MPHOSPH9: variants seen among roughly 807,000 people sequenced by gnomAD.
MPHOSPH9 encodes M-phase phosphoprotein 9.
A neutral mutation model predicts 145.5 loss-of-function variants in MPHOSPH9; 88 were observed. The ratio of observed to expected loss-of-function variants is 0.60; its 90% CI spans 0.51 to 0.72. MPHOSPH9 has a LOEUF of 0.72. MPHOSPH9 is among the 30% of genes least tolerant of loss of function. The pLI is 0.00. For missense variants in MPHOSPH9, 1,238 were observed against 1,386.6 expected (o/e 0.89, Z 1.70); for synonymous variants, 435 against 486.2 (o/e 0.89, Z 1.39).
chr12:123,191,287 C>T (rs754639140), intron 13 of MPHOSPH9, among the ~76,000 whole-genome samples: 1 of 152,044 alleles, frequency 6.6e-6, no homozygotes, highest in Admixed American at 6.6e-5. Flanking sequence ...CACCATTGCA[C>T]TCCAGCCTGG....
Position 123,166,707 on chromosome 12 carries a change from C to T in MPHOSPH9, c.2539G>A (p.Asp847Asn). 6.2e-7 allele frequency: 1 copy of T among 1,614,056 alleles called. No homozygotes were observed. Among genetic ancestry groups the T allele is most frequent in the South Asian group, 1.1e-5 (1 of 91,052 alleles). Residue 847 changes from aspartate to asparagine, a missense_variant, in exon 17 of 24, where the codon GAC becomes AAC. Transcript: ENST00000606320. ...EYSIFTGQPLDTQDSNVDNQL... is the reference protein window; with the variant it reads ...EYSIFTGQPLNTQDSNVDNQL... ...TTATCCACGTTACTGTCCTGGGTGT[C>T]CAGAGGCTGGCCAGTAAAGATGGAA...
intron 13 of MPHOSPH9, among the ~76,000 whole-genome samples, chr12:123,189,059 T>A (rs1565927106): frequency 6.6e-6 from 1 of 152,068 alleles, no homozygotes; most frequent in Non-Finnish European, 1.5e-5. Flanking sequence ...GTGGTACAAG[T>A]GATGCTGTAC....
chr12:123,161,711 T>C (rs548389694), intron 21 of MPHOSPH9, among the ~76,000 whole-genome samples: 38 of 151,300 alleles, frequency 2.5e-4, no homozygotes, highest in African/African-American at 8.2e-4. Flanking sequence ...TCACATTTAG[T>C]GGACATACAC....
rs377051914 is a variant in MPHOSPH9, at chr12:123,221,768, C to T, written c.476G>A (p.Ser159Asn). 6.2e-7 allele frequency: 1 copy of T among 1,613,672 alleles called. No individual in the cohort carries two copies. The highest frequency in any genetic ancestry group is 1.3e-5 in the African/African-American group (1 of 74,862). The change falls in exon 5 of 24, where the codon AGC (serine) becomes AAC (asparagine). Residue 159 changes from serine to asparagine, a missense_variant. Transcript: ENST00000606320. ...GATAACAGATTCATTTCTCTCACTG[C>T]TTAGAGAAAAAAAACCCATTTGACT... ...SESQMGFFSL[S>N]SERNESVIHY...
At chr12:123,233,298 T>G (rs1309231990), upstream of MPHOSPH9, 1 of 152,294 alleles carries the variant, frequency 6.6e-6, no homozygotes. Flanking sequence ...GGGGCGGGAT[T>G]GCTGTGAAAC....
At position 123,179,925 on chromosome 12, in the gene MPHOSPH9, C is replaced by A. The variant is rs369262617; in HGVS notation, c.2354+1G>T. On this transcript the variant is annotated splice_donor_variant, in intron 15 of 23. Coordinates refer to ENST00000606320, the MANE Select transcript of MPHOSPH9 (RefSeq NM_022782.4). LOFTEE classifies it high-confidence loss of function. ...TACATTAGTAAGTTAATACATTTTA[C>A]CTTTTCAAATCAGAAATCTGAGTAT... 1.4e-6 allele frequency: 2 copies of A among 1,403,208 alleles called. No homozygotes were observed. Among genetic ancestry groups the A allele is most frequent in the Non-Finnish European group, 1.9e-6 (2 of 1,029,438 alleles). The allele number at this position is 1,403,208 out of a possible 1,614,324, so 86.9% of individuals were successfully genotyped here. A position where few individuals can be genotyped will look rare whatever the true frequency, so the allele number is the denominator to read the frequency against.
At position 123,216,141 on chromosome 12, in the gene MPHOSPH9, T is replaced by TA. The variant is rs542635596; in HGVS notation, c.997-1308dup. 2.2e-4 allele frequency among the ~76,000 whole-genome samples: 33 copies of TA among 152,212 alleles called. 1 individual carries two copies. The South Asian group carries it at 6.8e-3, about 32-fold the overall frequency. On this transcript the variant is annotated intron_variant, in intron 6 of 23. Coordinates refer to ENST00000606320, the MANE Select transcript of MPHOSPH9 (RefSeq NM_022782.4). ...TGAATGGCTTTTCTAGAGCTACCAA[T>TA]ATAGTACTAAACGGCTTTTCTAGAA...
intron 12 of MPHOSPH9, among the ~76,000 whole-genome samples, chr12:123,197,790 G>GA (rs374288592): frequency 0.012 from 996 of 80,066 alleles, 4 homozygotes; most frequent in South Asian, 0.07. Context: ...TCAAAAAAAA[G>GA]AAAAAAAAAA....
chr12:123,186,520 T>C (rs1006196531), intron 13 of MPHOSPH9, among the ~76,000 whole-genome samples: 1 of 152,120 alleles, frequency 6.6e-6, no homozygotes, highest in Non-Finnish European at 1.5e-5. Context: ...AGGAAAAGAA[T>C]TGATCATGTC....
intron 13 of MPHOSPH9, among the ~76,000 whole-genome samples, chr12:123,184,793 C>T (rs12302120): frequency 0.014 from 2,054 of 151,802 alleles, 37 homozygotes; most frequent in South Asian, 0.057. Flanking sequence ...CCACCGTGCC[C>T]GGCCTATTTA....
In MPHOSPH9 at chr12:123,199,478, A is replaced by G. The variant is rs112354496; in HGVS notation, c.1938-1144T>C. The stretch of plus-strand genomic sequence containing the variant: ...TTCGTTTATCCTCACAATTCTGTCC[A>G]TTAAGACTATCATTGGTCCCAGCCA... On this transcript the variant is annotated intron_variant, in intron 11 of 23. Transcript: ENST00000606320. 5.8e-3 allele frequency among the ~76,000 whole-genome samples: 883 copies of G among 152,190 alleles called. 6 individuals carry two copies. The highest frequency in any genetic ancestry group is 0.044 in the South Asian group (213 of 4,820).
chr12:123,221,278 G>A (rs1371913851), intron 5 of MPHOSPH9, 94 bp downstream of exon 5: 2 of 1,027,912 alleles, frequency 1.9e-6, no homozygotes, highest in African/African-American at 1.6e-5. Flanking sequence ...ACTGATAAAT[G>A]TTCAAATACA....
chr12:123,218,443 T>G lies in MPHOSPH9; in HGVS notation c.929A>C (p.His310Pro). The G allele has an allele frequency of 6.2e-7, 1 of 1,614,090 alleles. No homozygotes were observed. Among genetic ancestry groups the G allele is most frequent in the Non-Finnish European group, 8.5e-7 (1 of 1,179,942 alleles). ...KLKQNQPKRA[H>P]VEDGGSRSKQ... ...AGATCTTGAACCTCCATCTTCTACATGTGCTCTCTTTGGTTGGTTCTGCTT... is the reference window on the plus strand; with the variant it reads ...AGATCTTGAACCTCCATCTTCTACAGGTGCTCTCTTTGGTTGGTTCTGCTT... Residue 310 changes from histidine (H) to proline (P), a missense_variant, in exon 6 of 24, where the codon CAT (histidine) becomes CCT (proline). Physicochemically the swap from His to Pro is moderately conservative, Grantham distance 77. Around this residue, in one of 3 missense-constraint regions of MPHOSPH9, gnomAD observed 837 missense variants for 897.5 expected, o/e 0.93. Coordinates refer to ENST00000606320, the MANE Select transcript of MPHOSPH9 (RefSeq NM_022782.4).
intron 13 of MPHOSPH9, among the ~76,000 whole-genome samples, chr12:123,190,436 C>T (rs949479516): frequency 2.0e-5 from 3 of 152,144 alleles, no homozygotes; most frequent in African/African-American, 7.2e-5. Flanking sequence ...AGGTGCAAGC[C>T]ACCACACCCG....
intron 8 of MPHOSPH9, among the ~76,000 whole-genome samples, chr12:123,209,299 A>C (rs1343256164): frequency 3.3e-5 from 5 of 152,208 alleles, no homozygotes; most frequent in Non-Finnish European, 5.9e-5. Flanking sequence ...TGAATTTGAA[A>C]ACAAGTGAGT....
rs746807574 is a variant in MPHOSPH9, at chr12:123,165,377, C to T, written c.2692G>A (p.Ala898Thr). 1.9e-6 allele frequency: 3 copies of T among 1,613,926 alleles called. No individual in the cohort carries two copies. The highest frequency in any genetic ancestry group is 2.5e-6 in the Non-Finnish European group (3 of 1,179,918). The change falls in exon 18 of 24, where the codon GCT becomes ACT. Residue 898 changes from alanine (A) to threonine (T), a missense_variant. By Grantham distance (58) the Ala-to-Thr change is moderately conservative. This residue lies in a region of MPHOSPH9 where 393 missense variants were observed against 462.5 expected (regional missense o/e 0.85). Transcript: ENST00000606320. ...TTTCCCTCATCAAGTTCTTTTAAAG[C>T]TCTCATGATCGGCGTGTCTGAAGTC... The part of the protein sequence containing the change: ...RETSDTPIMR[A>T]LKELDEGKIF...
chr12:123,208,010 G>T (rs973949344), intron 8 of MPHOSPH9, among the ~76,000 whole-genome samples: 9 of 151,452 alleles, frequency 5.9e-5, no homozygotes, highest in Non-Finnish European at 1.3e-4. Flanking sequence ...AGGCTGATGT[G>T]GGTGGATCAC....
chr12:123,242,799 T>A (rs980462736), intron 1 of MPHOSPH9, among the ~76,000 whole-genome samples: 11 of 152,224 alleles, frequency 7.2e-5, no homozygotes, highest in African/African-American at 2.4e-4. Flanking sequence ...CGCCTTGCCT[T>A]GGAATCACTT....
chr12:123,203,129 T>C, intron 9 of MPHOSPH9, 45 bp from the exon 10 acceptor site: 1 of 1,586,424 alleles, frequency 6.3e-7, no homozygotes, highest in Admixed American at 1.8e-5. Context: ...GAACTCGGCT[T>C]TGTTTTGCTT....
Sources: gnomAD v4.1 joint callset for allele counts (sites outside exome capture counted in the v4.1 genomes callset) on GRCh38, gnomAD v4.1.1 for gene constraint, gnomAD v4.1.1 regional missense constraint, MANE v1.5 for transcripts, NCBI Gene and HGNC (gene_info 2026-07-23, HGNC 2026-07-21) for gene names.